CFLAR: variants seen among roughly 807,000 people sequenced by gnomAD.
CFLAR encodes CASP8 and FADD like apoptosis regulator.
A neutral mutation model predicts 51.1 loss-of-function variants in CFLAR; 14 were observed. The ratio of observed to expected loss-of-function variants is 0.27; its 90% CI spans 0.18 to 0.43. CFLAR has a LOEUF of 0.43. CFLAR is among the 20% of genes least tolerant of loss of function. The probability of loss-of-function intolerance (pLI) is 1.00; values close to 1 mark genes in which losing one functional copy is unlikely to be tolerated. For synonymous variants in CFLAR, 210 were observed against 211.6 expected (o/e 0.99, Z 0.06); for missense variants, 390 against 566.5 (o/e 0.69, Z 3.16).
Position 201,174,432 on chromosome 2 carries a change from G to C in CFLAR, c.*10459G>C, listed in dbSNP as rs1944136298. ...CAACTAACTATAAGGGTTTATTTCT[G>C]GACTCAATTCTGTTGCTCTATCTTA... On this transcript the variant is annotated 3_prime_UTR_variant, in exon 10 of 10. Coordinates refer to ENST00000309955, the MANE Select transcript of CFLAR (RefSeq NM_003879.7). The C allele has an allele frequency of 6.6e-6, 1 of 152,070 alleles. No homozygotes were observed. Among genetic ancestry groups the C allele is most frequent in the African/African-American group, 2.4e-5 (1 of 41,382 alleles). The allele number at this position is 152,070 out of a possible 1,614,324, so 9.4% of individuals were successfully genotyped here.
intron 9 of CFLAR, chr2:201,162,748 A>C (rs1162710817): frequency 2.7e-6 from 1 of 374,580 alleles, no homozygotes; most frequent in Non-Finnish European, 5.1e-6. Flanking sequence ...CCCAAAAGAC[A>C]CTCACAGCCT....
At position 201,116,242 on chromosome 2, in the gene CFLAR, G is replaced by C. The variant is rs2047577375; in HGVS notation, c.-377G>C. ...CTAAAAGGGACTCCCGGAGCTAGGGGTGGGGACTCGGCCTCACACAGTGAG... is the reference window on the plus strand; with the variant it reads ...CTAAAAGGGACTCCCGGAGCTAGGGCTGGGGACTCGGCCTCACACAGTGAG... On this transcript the variant is annotated 5_prime_UTR_variant, in exon 1 of 10. Transcript: ENST00000309955. This position sits in a 1 kb window ranked among gnomAD's most constrained non-coding sequence, Gnocchi z 4.8. 6.6e-6 allele frequency: 1 copy of C among 152,356 alleles called. No homozygotes were observed. The highest frequency in any genetic ancestry group is 2.1e-4 in the South Asian group (1 of 4,838). The allele number at this position is 152,356 out of a possible 1,614,324, so 9.4% of individuals were successfully genotyped here.
intron 4 of CFLAR, chr2:201,137,209 G>A (rs1575692321): frequency 4.8e-6 from 1 of 209,678 alleles, no homozygotes; most frequent in East Asian, 1.3e-4. Context: ...TGCCCCTGAG[G>A]TGGGGGCTGG....
In CFLAR at chr2:201,138,184, CT is replaced by C; in HGVS notation, c.523+2081del. ...CCCCAATCACCTGGAGGTGGGGTTA[CT>C]TTTGTTTGATGTAATGCACCATGGC... On this transcript the variant is annotated intron_variant, in intron 4 of 9. Coordinates refer to ENST00000309955, the MANE Select transcript of CFLAR (RefSeq NM_003879.7). The surrounding 1 kb of genome is among the most constrained non-coding windows in gnomAD (Gnocchi z 4.0). 2.1e-6 allele frequency: 2 copies of C among 968,790 alleles called. No individual in the cohort carries two copies. The highest frequency in any genetic ancestry group is 3.4e-6 in the Non-Finnish European group (2 of 596,364). The allele number at this position is 968,790 out of a possible 1,614,324, so 60.0% of individuals were successfully genotyped here.
At chr2:201,140,213 C>T (rs968752271) in intron 4 of CFLAR, 144 bp from the exon 5 acceptor site, 1 of 964,118 alleles carries the variant, frequency 1.0e-6, no homozygotes, top group African/African-American at 1.7e-5. Flanking sequence ...GAAGAGTCAT[C>T]TGAAATTTTG....
chr2:201,136,510 G>T, intron 4 of CFLAR: 4 of 1,561,096 alleles, frequency 2.6e-6, no homozygotes, highest in Non-Finnish European at 3.5e-6. Context: ...TACCTTCCTT[G>T]CATGTGTCCC....
chr2:201,129,937 G>A lies in CFLAR; in HGVS notation c.72G>A (p.Leu24=). The change falls in exon 2 of 10, where the codon TTG becomes TTA. Residue 24 remains leucine, a synonymous_variant. Coordinates refer to ENST00000309955, the MANE Select transcript of CFLAR (RefSeq NM_003879.7). ...ATGAGAAGGAGATGCTGCTCTTTTT[G>A]TGCCGGGATGTTGCTATAGATGTGG... is the stretch of plus-strand genomic sequence containing the variant. ...DTDEKEMLLF[L]CRDVAIDVVP... The A allele has an allele frequency of 1.2e-6, 2 of 1,614,162 alleles. No homozygotes were observed. The highest frequency in any genetic ancestry group is 8.5e-7 in the Non-Finnish European group (1 of 1,180,032).
chr2:201,119,979 G>C (rs1283187539), intron 1 of CFLAR, among the ~76,000 whole-genome samples: 1 of 143,438 alleles, frequency 7.0e-6, no homozygotes. Flanking sequence ...TTTACAACCT[G>C]CTTTTTTCTA....
chr2:201,145,403 A>G lies in CFLAR; in HGVS notation c.632A>G (p.Gln211Arg), dbSNP rs906478759. The change falls in exon 6 of 10, where the codon CAA (glutamine) becomes CGA (arginine). Residue 211 changes from glutamine to arginine, a missense_variant. By Grantham distance (43) the Gln-to-Arg change is conservative. Coordinates refer to ENST00000309955, the MANE Select transcript of CFLAR (RefSeq NM_003879.7). ...FRLHNGRSKE[Q>R]RLKEQLGAQQ... ...CTCCATAATGGGAGAAGTAAAGAAC[A>G]AAGACTTAAGGAACAGCTTGGCGCT... 1 of 1,608,130 alleles carries G rather than the reference A, an allele frequency of 6.2e-7. No homozygotes were observed. The highest frequency in any genetic ancestry group is 8.5e-7 in the Non-Finnish European group (1 of 1,175,268).
intron 8 of CFLAR, among the ~76,000 whole-genome samples, chr2:201,157,502 T>A (rs1942374254): frequency 6.6e-6 from 1 of 151,980 alleles, no homozygotes; most frequent in African/African-American, 2.4e-5. Flanking sequence ...GCCTCCTGAG[T>A]AGCTGTGATG....
At chr2:201,149,445 T>C in intron 7 of CFLAR, 1 of 308,946 alleles carries the variant, frequency 3.2e-6, no homozygotes. Flanking sequence ...TTCAGGTTAC[T>C]GTGGAGACAA....
At position 201,137,814 on chromosome 2, in the gene CFLAR, G is replaced by A. The variant is rs1283706900; in HGVS notation, c.523+1707G>A. On this transcript the variant is annotated intron_variant, in intron 4 of 9. Coordinates refer to ENST00000309955, the MANE Select transcript of CFLAR (RefSeq NM_003879.7). ...GCTGCTCTTCTCCATGGCATCCAGT[G>A]AGCCCATGCCCTGGTACTTCTTGAG... is the stretch of plus-strand genomic sequence containing the variant. The A allele has an allele frequency of 3.3e-6, 4 of 1,204,678 alleles. No homozygotes were observed. In the East Asian group the frequency reaches 9.3e-5, roughly 28 times the overall value. The allele number at this position is 1,204,678 out of a possible 1,614,324, so 74.6% of individuals were successfully genotyped here.
In CFLAR at chr2:201,129,940, C is replaced by T. The variant is rs780666934; in HGVS notation, c.75C>T (p.Cys25=). ...TDEKEMLLFL[C]RDVAIDVVPP... is the part of the protein sequence containing the mutation. ...AGAAGGAGATGCTGCTCTTTTTGTG[C>T]CGGGATGTTGCTATAGATGTGGTTC... Residue 25 remains cysteine (C), a synonymous_variant, in exon 2 of 10, where the codon TGC becomes TGT. Transcript: ENST00000309955. 1 of 1,614,080 alleles carries T rather than the reference C, an allele frequency of 6.2e-7. No homozygotes were observed. Among genetic ancestry groups the T allele is most frequent in the Non-Finnish European group, 8.5e-7 (1 of 1,180,024 alleles).
rs1244004431 is a variant in CFLAR, at chr2:201,133,014, T to A, written c.282-15T>A. 1 of 1,607,158 alleles carries A rather than the reference T, an allele frequency of 6.2e-7. No individual in the cohort carries two copies. ...TGATGTCTGAATTAACTAAATGAACTTGTCTGGTTTGCAGAGTGCTGATGG... is the reference window on the plus strand; with the variant it reads ...TGATGTCTGAATTAACTAAATGAACATGTCTGGTTTGCAGAGTGCTGATGG... On this transcript the variant is annotated splice_polypyrimidine_tract_variant and intron_variant, in intron 2 of 9. Transcript: ENST00000309955.
At position 201,140,265 on chromosome 2, in the gene CFLAR, A is replaced by G. The variant is rs1476155127; in HGVS notation, c.524-92A>G. Reference sequence around the variant, plus strand: ...TAGAAAGTTTAGGGTATTTTGAAAGATGGTGATTGACCTTGGACTGAACCA... The same window carrying G: ...TAGAAAGTTTAGGGTATTTTGAAAGGTGGTGATTGACCTTGGACTGAACCA... On this transcript the variant is annotated intron_variant, in intron 4 of 9. Transcript: ENST00000309955. 4.7e-6 allele frequency: 7 copies of G among 1,492,530 alleles called. No individual in the cohort carries two copies. The East Asian group carries it at 9.7e-5, about 21-fold the overall frequency. The allele number at this position is 1,492,530 out of a possible 1,614,324, so 92.5% of individuals were successfully genotyped here. A position where few individuals can be genotyped will look rare whatever the true frequency, so the allele number is the denominator to read the frequency against.
At chr2:201,131,133 C>A (rs2049267999) in intron 2 of CFLAR, among the ~76,000 whole-genome samples, 1 of 152,212 alleles carries the variant, frequency 6.6e-6, no homozygotes, top group African/African-American at 2.4e-5. Flanking sequence ...GTTGCTCCTT[C>A]CTCCTGTTCA....
At chr2:201,133,867 C>T (rs1038357965) in intron 3 of CFLAR, among the ~76,000 whole-genome samples, 2 of 137,714 alleles carry the variant, frequency 1.5e-5, no homozygotes, top group East Asian at 4.5e-4. Flanking sequence ...GGAGGCAGAG[C>T]TTGCGGTGAG....
At chr2:201,122,689 T>C (rs2048305722) in intron 1 of CFLAR, 1 of 152,168 alleles carries the variant, frequency 6.6e-6, no homozygotes, top group Admixed American at 6.5e-5. Flanking sequence ...AGAGACTTGA[T>C]TTGGGGATCA....
At position 201,149,863 on chromosome 2, in the gene CFLAR, GT is replaced by G. The variant is rs764127626; in HGVS notation, c.793+29del. On this transcript the variant is annotated intron_variant, in intron 8 of 9. Transcript: ENST00000309955. ...AGGTGTGGAAGCTGCAGATTAACTG[GT>G]GCCCCCAGATTGAGATCATGGCACA... The G allele has an allele frequency of 2.4e-5, 37 of 1,552,600 alleles. No homozygotes were observed. In the South Asian group the frequency reaches 3.9e-4, roughly 16 times the overall value.
Sources: allele counts gnomAD v4.1 joint callset (sites outside exome capture counted in the v4.1 genomes callset), GRCh38; gene constraint gnomAD v4.1.1; non-coding constraint Gnocchi (gnomAD v3.1); transcripts MANE v1.5; gene names NCBI Gene and HGNC (gene_info 2026-07-23, HGNC 2026-07-21).